The following TENM3 variants were observed in gnomAD, a reference collection of about 807,000 sequenced individuals.
TENM3 encodes teneurin-3.
TENM3 carries 63 observed loss-of-function variants against 255.1 expected under a neutral mutation model. The observed-to-expected ratio is 0.25, with a 90% CI of 0.20 to 0.30. The LOEUF is 0.30. Ranked by LOEUF, TENM3 falls within the 10% of genes least tolerant of loss-of-function variation. The pLI, the probability that TENM3 is intolerant of heterozygous loss-of-function variation, is 1.00. For synonymous variants in TENM3, 1,306 were observed against 1,322.3 expected (o/e 0.99, Z 0.27); for missense variants, 2,929 against 3,461.1 (o/e 0.85, Z 3.86).
At chr4:182,005,664 T>G in the TENM3 span, among the ~76,000 whole-genome samples, 3 of 152,200 alleles carry the variant, frequency 2.0e-5, no homozygotes, top group Non-Finnish European at 4.4e-5. Flanking sequence ...TCGGGCAGTA[T>G]GGCCATTTTC....
At chr4:181,500,667 C>T in the TENM3 span, among the ~76,000 whole-genome samples, 9 of 152,092 alleles carry the variant, frequency 5.9e-5, no homozygotes, top group East Asian at 7.7e-4. Context: ...ATCCACTTTG[C>T]GCTCAAAGGT....
At position 182,680,440 on chromosome 4, in the gene TENM3, G is replaced by T. The variant is rs79243933; in HGVS notation, c.1639+91G>T. 7.8e-6 allele frequency: 11 copies of T among 1,416,782 alleles called. No individual in the cohort carries two copies. The African/African-American group carries it at 1.4e-4, about 18-fold the overall frequency. 87.8% of individuals were successfully genotyped at this position (1,416,782 alleles called of 1,614,324 possible). On this transcript the variant is annotated intron_variant, in intron 9 of 27. Transcript: ENST00000511685. ...AAACTACCGAGACAGGAAAGAAAGG[G>T]GGGGGGAGACTGGCATATTGCTTGT...
In TENM3 at chr4:182,773,616, C is replaced by G. The variant is rs1297498330; in HGVS notation, c.5037C>G (p.Ser1679=). The change falls in exon 23 of 28, where the codon TCC becomes TCG. Residue 1679 remains serine (S), a synonymous_variant. Coordinates refer to ENST00000511685, the MANE Select transcript of TENM3 (RefSeq NM_001080477.4). ...ATGTCAGCATCACTTCAAATCTGTC[C>G]TCGATCGATTCTTTCTACACCATGG... ...EEDVSITSNL[S]SIDSFYTMVQ... 4 of 1,613,140 alleles carry G rather than the reference C, an allele frequency of 2.5e-6. No individual in the cohort carries two copies. The highest frequency in any genetic ancestry group is 1.7e-6 in the Non-Finnish European group (2 of 1,179,542).
the TENM3 span, among the ~76,000 whole-genome samples, chr4:181,812,595 G>T: frequency 3.9e-5 from 6 of 152,202 alleles, no homozygotes; most frequent in Non-Finnish European, 5.9e-5. Context: ...CACTCTGAGT[G>T]CCAATTTCTC....
chr4:182,669,692 T>C (rs1755041702), intron 6 of TENM3, among the ~76,000 whole-genome samples: 1 of 152,208 alleles, frequency 6.6e-6, no homozygotes, highest in Non-Finnish European at 1.5e-5. Flanking sequence ...TCTGATTTTA[T>C]ATGAAATAGA....
At chr4:182,569,382 T>C (rs773027113) in intron 3 of TENM3, among the ~76,000 whole-genome samples, 23 of 151,962 alleles carry the variant, frequency 1.5e-4, no homozygotes, top group Non-Finnish European at 2.8e-4. Context: ...TGGTAAACCC[T>C]GTCTCTACTA....
intron 3 of TENM3, among the ~76,000 whole-genome samples, chr4:182,447,845 GGAGGAA>G (rs1169333405): frequency 6.6e-6 from 1 of 152,134 alleles, no homozygotes; most frequent in Non-Finnish European, 1.5e-5. Flanking sequence ...TCAGTTTAAT[GGAGGAA>G]GAGGCTGGAG....
At position 182,789,800 on chromosome 4, in the gene TENM3, G is replaced by A. The variant is rs775829452; in HGVS notation, c.5601+411G>A. Among the ~76,000 whole-genome samples the A allele has an allele frequency of 6.6e-6, 1 of 152,194 alleles. No individual in the cohort carries two copies. Among genetic ancestry groups the A allele is most frequent in the South Asian group, 2.1e-4 (1 of 4,830 alleles). On this transcript the variant is annotated intron_variant, in intron 25 of 27. Transcript: ENST00000511685. The surrounding 1 kb of genome is among the most constrained non-coding windows in gnomAD (Gnocchi z 4.4). Reference sequence around the variant, plus strand: ...TCAGCTTTGTGTTATTCCTGGCAGAGCTTCAACATAATCATAAAAAGCATG... The same window carrying A: ...TCAGCTTTGTGTTATTCCTGGCAGAACTTCAACATAATCATAAAAAGCATG...
chr4:181,469,062 TAGAG>T, the TENM3 span, among the ~76,000 whole-genome samples: 13 of 152,310 alleles, frequency 8.5e-5, no homozygotes, highest in South Asian at 4.1e-4. Flanking sequence ...CTGCAGGTGT[TAGAG>T]AGCTAAAAAT....
At chr4:181,744,721 C>T in the TENM3 span, among the ~76,000 whole-genome samples, 3 of 152,236 alleles carry the variant, frequency 2.0e-5, no homozygotes, top group African/African-American at 7.2e-5. Flanking sequence ...TTTTACATTC[C>T]AAATGTATTT....
At chr4:181,512,574 G>A in the TENM3 span, among the ~76,000 whole-genome samples, 1,007 of 152,228 alleles carry the variant, frequency 6.6e-3, 7 homozygotes, top group Non-Finnish European at 9.3e-3. Flanking sequence ...TTTTTGGAAA[G>A]GCTCAATGAT....
At position 182,680,661 on chromosome 4, in the gene TENM3, G is replaced by A; in HGVS notation, c.1758G>A (p.Gln586=). Residue 586 remains glutamine, a synonymous_variant, in exon 10 of 28, where the codon CAG becomes CAA. Coordinates refer to ENST00000511685, the MANE Select transcript of TENM3 (RefSeq NM_001080477.4). ...DVPTTQCIDP[Q]CGGRGICIMG... is the part of the protein sequence containing the mutation. ...CGACTACCCAGTGTATTGACCCACA[G>A]TGTGGGGGTCGTGGGATTTGTATCA... 1.9e-6 allele frequency: 3 copies of A among 1,608,714 alleles called. 1 individual carries two copies. In the East Asian group the frequency reaches 6.7e-5, roughly 36 times the overall value.
the TENM3 span, among the ~76,000 whole-genome samples, chr4:181,769,733 G>C: frequency 6.6e-6 from 1 of 152,132 alleles, no homozygotes; most frequent in African/African-American, 2.4e-5. Context: ...TTAATCATTT[G>C]TTTTGAGAAT....
the TENM3 span, among the ~76,000 whole-genome samples, chr4:182,064,349 A>C: frequency 6.6e-6 from 1 of 152,026 alleles, no homozygotes; most frequent in Non-Finnish European, 1.5e-5. Flanking sequence ...GAGGCTGAGA[A>C]GGGCGGATCA....
intron 26 of TENM3, 114 bp from the exon 27 acceptor site, chr4:182,796,523 T>C: frequency 9.9e-7 from 1 of 1,011,628 alleles, no homozygotes; most frequent in South Asian, 2.1e-5. Flanking sequence ...AAACAGGTGC[T>C]CTTTTTCAGA....
upstream of TENM3, among the ~76,000 whole-genome samples, chr4:182,242,152 GCACCCAATAACTCGT>G: frequency 6.6e-6 from 1 of 150,468 alleles, no homozygotes; most frequent in South Asian, 2.1e-4. Context: ...TTGGTGTGCT[GCACCCAATAACTCGT>G]CATTTACATT....
chr4:182,311,659 A>AG (rs1762452254), intron 1 of TENM3, among the ~76,000 whole-genome samples: 1 of 152,200 alleles, frequency 6.6e-6, no homozygotes, highest in Admixed American at 6.5e-5. Flanking sequence ...GGATTAAGTG[A>AG]GGTCATATAT....
the TENM3 span, among the ~76,000 whole-genome samples, chr4:181,706,683 A>G: frequency 6.6e-6 from 1 of 152,200 alleles, no homozygotes; most frequent in Non-Finnish European, 1.5e-5. Context: ...CTGGTTCCGC[A>G]TTGGTTGACC....
At chr4:182,668,374 C>T (rs962456330) in intron 6 of TENM3, among the ~76,000 whole-genome samples, 5 of 152,076 alleles carry the variant, frequency 3.3e-5, no homozygotes, top group African/African-American at 9.7e-5. Flanking sequence ...TCTCCTACCC[C>T]GTTCCTTATT....
Sources: allele counts gnomAD v4.1 joint callset (sites outside exome capture counted in the v4.1 genomes callset), GRCh38; gene constraint gnomAD v4.1.1; non-coding constraint Gnocchi (gnomAD v3.1); transcripts MANE v1.5; gene names NCBI Gene and HGNC (gene_info 2026-07-23, HGNC 2026-07-21).